The following KCNH1 variants were observed in gnomAD, a reference collection of about 807,000 sequenced individuals.
The protein encoded by KCNH1 is voltage-gated delayed rectifier potassium channel KCNH1.
Under a neutral mutation model 69.2 loss-of-function variants are expected in KCNH1, and 27 were observed. That is an observed-to-expected ratio of 0.39 (90% CI 0.29 to 0.54). KCNH1 has a LOEUF of 0.54. Ranked by LOEUF, KCNH1 falls within the 20% of genes least tolerant of loss-of-function variation. The probability of loss-of-function intolerance (pLI) is 0.68; values close to 1 mark genes in which losing one functional copy is unlikely to be tolerated. For missense variants in KCNH1, 798 were observed against 1,261.6 expected, an observed-to-expected ratio of 0.63 and a Z score of 5.57; for synonymous variants, 456 against 487.7, an observed-to-expected ratio of 0.93 and a Z score of 0.86.
At position 210,851,351 on chromosome 1, in the gene KCNH1, C is replaced by G. The variant is rs1685699714; in HGVS notation, c.1463-47185G>C. ...GCCAAAATAACCTACTTCTATCATC[C>G]CAACAGTGTGGTAGGAAAGCTATGT... On this transcript the variant is annotated intron_variant, in intron 7 of 10. Transcript: ENST00000271751. Among the ~76,000 whole-genome samples, 5 of 152,234 alleles carry G rather than the reference C, an allele frequency of 3.3e-5. No individual in the cohort carries two copies. The South Asian group carries it at 1.0e-3, about 32-fold the overall frequency.
chr1:210,762,052 T>A (rs1240451454), intron 10 of KCNH1, among the ~76,000 whole-genome samples: 1 of 152,000 alleles, frequency 6.6e-6, no homozygotes, highest in Non-Finnish European at 1.5e-5. Flanking sequence ...GGAATAAAAA[T>A]AGAAATCAAT....
intron 1 of KCNH1, among the ~76,000 whole-genome samples, chr1:211,109,070 A>G (rs889606800): frequency 3.3e-5 from 5 of 152,232 alleles, no homozygotes; most frequent in African/African-American, 1.2e-4. Flanking sequence ...GTCTAAAAGG[A>G]TGAGTAAGAT....
chr1:211,023,029 T>C (rs1689615204), intron 5 of KCNH1, among the ~76,000 whole-genome samples: 1 of 151,790 alleles, frequency 6.6e-6, no homozygotes, highest in South Asian at 2.1e-4. Context: ...GAGAAACACT[T>C]GAACCCGGGA....
At chr1:210,946,339 T>A (rs1020804340) in intron 6 of KCNH1, among the ~76,000 whole-genome samples, 2 of 152,108 alleles carry the variant, frequency 1.3e-5, no homozygotes, top group Admixed American at 1.3e-4. Flanking sequence ...CCATGCTGCC[T>A]TAGGGAGGCA....
chr1:210,694,411 G>GC (rs1408952839), intron 10 of KCNH1, among the ~76,000 whole-genome samples: 1 of 151,504 alleles, frequency 6.6e-6, no homozygotes, highest in East Asian at 1.9e-4. Context: ...CTGGGTAGAG[G>GC]CCCGAGGCAC....
chr1:211,126,228 TG>T (rs1451281879), intron 1 of KCNH1, among the ~76,000 whole-genome samples: 1 of 151,524 alleles, frequency 6.6e-6, no homozygotes, highest in East Asian at 1.9e-4. Context: ...TAGCTGTGTA[TG>T]GGGCCGGTGG....
At chr1:211,013,385 G>A (rs1183132187) in intron 6 of KCNH1, among the ~76,000 whole-genome samples, 1 of 152,070 alleles carries the variant, frequency 6.6e-6, no homozygotes. Context: ...CTGCACCAGT[G>A]ACCTCAGGTT....
chr1:210,861,740 G>T, intron 7 of KCNH1: 2 of 774,388 alleles, frequency 2.6e-6, no homozygotes, highest in South Asian at 2.7e-5. Context: ...TGGATAAAAT[G>T]ATCCTTTAGA....
At position 210,684,129 on chromosome 1, in the gene KCNH1, G is replaced by A. The variant is rs1481569982; in HGVS notation, c.2122C>T (p.Arg708Trp). 3 of 1,508,722 alleles carry A rather than the reference G, an allele frequency of 2.0e-6. No homozygotes were observed. The highest frequency in any genetic ancestry group is 2.7e-6 in the Non-Finnish European group (3 of 1,129,298). 93.5% of individuals were successfully genotyped at this position (1,508,722 alleles called of 1,614,324 possible). Residue 708 changes from arginine (R) to tryptophan (W), a missense_variant, in exon 11 of 11, where the codon CGG (arginine) becomes TGG (tryptophan). Physicochemically the swap from Arg to Trp is moderately radical, Grantham distance 101. Coordinates refer to ENST00000271751, the MANE Select transcript of KCNH1 (RefSeq NM_172362.3). ...TCACGTTTCACATCGCTGATCTTCCGGAACACAATCTGGAGAGAGAGAGAG... is the reference window on the plus strand; with the variant it reads ...TCACGTTTCACATCGCTGATCTTCCAGAACACAATCTGGAGAGAGAGAGAG... The part of the protein sequence containing the change: ...TYNLRKRIVF[R>W]KISDVKREEE...
chr1:210,850,444 G>A (rs1284745122), intron 7 of KCNH1, among the ~76,000 whole-genome samples: 1 of 152,182 alleles, frequency 6.6e-6, no homozygotes, highest in Non-Finnish European at 1.5e-5. Flanking sequence ...CCGGGAGGCG[G>A]AGGTTGCAGT....
intron 6 of KCNH1, among the ~76,000 whole-genome samples, chr1:210,967,496 A>G (rs1688429976): frequency 6.6e-6 from 1 of 152,038 alleles, no homozygotes; most frequent in Non-Finnish European, 1.5e-5. Flanking sequence ...TGAGGGAGAA[A>G]AAAAATCACT....
chr1:210,912,948 A>T (rs1687262426), intron 7 of KCNH1, among the ~76,000 whole-genome samples: 1 of 152,254 alleles, frequency 6.6e-6, no homozygotes, highest in South Asian at 2.1e-4. Flanking sequence ...CGTCACAAGA[A>T]TGTTCACAGA....
rs1164564038 is a variant in KCNH1, at chr1:211,045,041, G to GATATATAGATATAGATATATAT, written c.559-25786_559-25785insATATATATCTATATCTATATAT. Among the ~76,000 whole-genome samples the GATATATAGATATAGATATATAT allele has an allele frequency of 1.6e-3, 128 of 81,736 alleles. 5 individuals carry two copies. The highest frequency in any genetic ancestry group is 5.1e-3 in the African/African-American group (121 of 23,602). The allele number at this position is 81,736 out of a possible 152,430, so 53.6% of individuals were successfully genotyped here. On this transcript the variant is annotated intron_variant, in intron 5 of 10. Coordinates refer to ENST00000271751, the MANE Select transcript of KCNH1 (RefSeq NM_172362.3). The stretch of plus-strand genomic sequence containing the variant: ...ATCAATGTGTGGATAAATTGTGGGG[G>GATATATAGATATAGATATATAT]ATATATATATATATATATGAATAAT...
intron 10 of KCNH1, among the ~76,000 whole-genome samples, chr1:210,760,089 C>G (rs529861827): frequency 3.3e-5 from 5 of 152,200 alleles, no homozygotes; most frequent in Admixed American, 3.3e-4. Flanking sequence ...ATCCTGAAAC[C>G]ATCCCTGCCA....
At chr1:211,056,832 G>A (rs529220345) in intron 5 of KCNH1, among the ~76,000 whole-genome samples, 1 of 152,322 alleles carries the variant, frequency 6.6e-6, no homozygotes, top group East Asian at 1.9e-4. Context: ...CCACAGCTTG[G>A]GGTGTGCCCT....
Position 210,804,288 on chromosome 1 carries a change from G to A in KCNH1, c.1463-122C>T, listed in dbSNP as rs191069528. 3.3e-4 allele frequency: 241 copies of A among 734,424 alleles called. 1 individual carries two copies. The East Asian group carries it at 6.4e-3, about 19-fold the overall frequency. The allele number at this position is 734,424 out of a possible 1,614,324, so 45.5% of individuals were successfully genotyped here. ...GCCAGAGCTGTCCCTCCCCAGTGCA[G>A]ACTGCCCTGACTATTCTCAGGAGAC... On this transcript the variant is annotated intron_variant, in intron 7 of 10. Transcript: ENST00000271751.
intron 10 of KCNH1, among the ~76,000 whole-genome samples, chr1:210,741,375 G>A (rs1252048220): frequency 6.6e-6 from 1 of 152,126 alleles, no homozygotes; most frequent in Non-Finnish European, 1.5e-5. Flanking sequence ...CAAGAGGAGT[G>A]CAGGAGGACC....
At chr1:210,874,177 C>T (rs573304744) in intron 7 of KCNH1, among the ~76,000 whole-genome samples, 105 of 152,272 alleles carry the variant, frequency 6.9e-4, no homozygotes, top group African/African-American at 2.5e-3. Context: ...GCATGTAGCC[C>T]TGGAAGTCTG....
intron 5 of KCNH1, among the ~76,000 whole-genome samples, chr1:211,056,581 G>T (rs1690308997): frequency 6.6e-6 from 1 of 152,206 alleles, no homozygotes; most frequent in Non-Finnish European, 1.5e-5. Context: ...TGTAGGCCTT[G>T]GGTGGGACCC....
Sources: allele counts gnomAD v4.1 joint callset (sites outside exome capture counted in the v4.1 genomes callset), GRCh38; gene constraint gnomAD v4.1.1; transcripts MANE v1.5; gene names NCBI Gene and HGNC (gene_info 2026-07-23, HGNC 2026-07-21).